DTNA: variants seen among roughly 807,000 people sequenced by gnomAD.
DTNA encodes the protein dystrobrevin alpha, also known as dystrophin-related protein 3.
A neutral mutation model predicts 100.7 loss-of-function variants in DTNA; 43 were observed. That is an observed-to-expected ratio of 0.43 (90% CI 0.33 to 0.55). The LOEUF is 0.55. DTNA is among the 20% of genes least tolerant of loss of function. The pLI, the probability that DTNA is intolerant of heterozygous loss-of-function variation, is 0.04. For synonymous variants in DTNA, 349 were observed against 347.9 expected, an observed-to-expected ratio of 1.00 and a Z score of -0.04; for missense variants, 798 against 953.9, an observed-to-expected ratio of 0.84 and a Z score of 2.15.
chr18:34,590,023 G>T (rs1487748113), intron 1 of DTNA, among the ~76,000 whole-genome samples: 3 of 152,118 alleles, frequency 2.0e-5, no homozygotes, highest in Admixed American at 6.5e-5. Context: ...CACTTTGGTT[G>T]TTCCCACATC....
At chr18:34,600,719 A>G (rs182232546) in intron 1 of DTNA, among the ~76,000 whole-genome samples, 9 of 152,346 alleles carry the variant, frequency 5.9e-5, no homozygotes, top group African/African-American at 2.2e-4. Context: ...GGTAAGAGAC[A>G]TTTATTTTAC....
chr18:34,749,897 T>G (rs1056977381), intron 1 of DTNA, among the ~76,000 whole-genome samples: 4 of 152,098 alleles, frequency 2.6e-5, no homozygotes, highest in Non-Finnish European at 5.9e-5. Context: ...AGGACTAGAA[T>G]GTAAATCTAA....
At chr18:34,838,917 C>G in intron 13 of DTNA, 80 bp downstream of exon 13, 3 of 1,253,218 alleles carry the variant, frequency 2.4e-6, no homozygotes, top group Non-Finnish European at 2.3e-6. Flanking sequence ...CAGCAAGGAG[C>G]AAGGTCACTG....
chr18:34,875,344 C>T lies in DTNA; in HGVS notation c.1849C>T (p.Pro617Ser), dbSNP rs75615735. 1 of 1,614,112 alleles carries T rather than the reference C, an allele frequency of 6.2e-7. No individual in the cohort carries two copies. Among genetic ancestry groups the T allele is most frequent in the Admixed American group, 1.7e-5 (1 of 60,014 alleles). Residue 617 changes from proline (P) to serine (S), a missense_variant, in exon 18 of 23, where the codon CCG (proline) becomes TCG (serine). Transcript: ENST00000444659. ...ASACSTPTHT[P>S]QDSLTGVGGD... ...AGCCTGCTCCACCCCGACGCACACGCCGCAGGACTCCCTCACAGGAGTAGG... is the reference window on the plus strand; with the variant it reads ...AGCCTGCTCCACCCCGACGCACACGTCGCAGGACTCCCTCACAGGAGTAGG...
chr18:34,881,833 C>T (rs1603351545), intron 20 of DTNA, among the ~76,000 whole-genome samples: 1 of 149,268 alleles, frequency 6.7e-6, no homozygotes, highest in Admixed American at 6.6e-5. Context: ...AGATAAATGA[C>T]CAATGATCGC....
At chr18:34,818,069 G>A (rs1272487006) in intron 7 of DTNA, 95 bp from the exon 8 acceptor site, 6 of 1,606,886 alleles carry the variant, frequency 3.7e-6, no homozygotes, top group Non-Finnish European at 4.2e-6. Context: ...TCGTGGTGCA[G>A]AGAAGAAAGG....
rs2096662763 is a variant in DTNA at position 34,864,002 on chromosome 18, T to C, written c.1683T>C (p.Ala561=). ...RKDELEQRMS[A]LQESRRELMV... ...ATGAGCTGGAACAGAGAATGTCTGC[T>C]CTCCAGGAGAGCCGGAGAGAGCTAA... is the stretch of plus-strand genomic sequence containing the variant. The change falls in exon 17 of 23, where the codon GCT becomes GCC. Residue 561 remains alanine, a synonymous_variant. Transcript: ENST00000444659. The C allele has an allele frequency of 2.2e-5, 35 of 1,612,468 alleles. No individual in the cohort carries two copies. The highest frequency in any genetic ancestry group is 3.0e-5 in the Non-Finnish European group (35 of 1,179,392).
intron 1 of DTNA, among the ~76,000 whole-genome samples, chr18:34,726,754 G>A (rs1169119946): frequency 6.6e-6 from 1 of 152,234 alleles, no homozygotes; most frequent in Non-Finnish European, 1.5e-5. Context: ...TTGAGTGCCT[G>A]TGGCTTTCCA....
rs543575846 is a variant in DTNA, at chr18:34,528,344, G to A, written c.-2+34830G>A. ...TCTAGAATTGTCACCTCAGCTGGTA[G>A]TGCCTCCTACAGACAATCATGGGTT... On this transcript the variant is annotated intron_variant, in intron 1 of 19. Coordinates refer to the DTNA transcript ENST00000283365. Among the ~76,000 whole-genome samples the A allele has an allele frequency of 1.1e-4, 16 of 152,184 alleles. No homozygotes were observed. In the East Asian group the frequency reaches 3.1e-3, roughly 29 times the overall value.
chr18:34,611,372 G>A (rs575859816), intron 1 of DTNA, among the ~76,000 whole-genome samples: 46 of 152,218 alleles, frequency 3.0e-4, no homozygotes, highest in Non-Finnish European at 6.0e-4. Context: ...CAGGTAGAGA[G>A]TGATTAAATC....
At chr18:34,858,466 T>C in intron 16 of DTNA, 68 bp downstream of exon 16, 2 of 1,535,948 alleles carry the variant, frequency 1.3e-6, no homozygotes, top group East Asian at 2.3e-5. Context: ...AGTCTAGCAG[T>C]GTCTAGCCAG....
intron 1 of DTNA, among the ~76,000 whole-genome samples, chr18:34,560,920 T>C (rs1743753877): frequency 6.6e-6 from 1 of 152,178 alleles, no homozygotes; most frequent in African/African-American, 2.4e-5. Context: ...AGACCCTGTC[T>C]CAAAAAATAA....
At chr18:34,876,595 A>T (rs1351915802) in intron 18 of DTNA, among the ~76,000 whole-genome samples, 1 of 152,208 alleles carries the variant, frequency 6.6e-6, no homozygotes, top group Non-Finnish European at 1.5e-5. Flanking sequence ...TGCCTAGAAG[A>T]TTAAAAAAAT....
chr18:34,783,681 A>G (rs948541709), intron 3 of DTNA, among the ~76,000 whole-genome samples: 2 of 152,076 alleles, frequency 1.3e-5, no homozygotes, highest in Non-Finnish European at 2.9e-5. Flanking sequence ...CTTTAGTAAC[A>G]TTTTCTTTCT....
chr18:34,548,283 C>G (rs2045021462), intron 1 of DTNA, among the ~76,000 whole-genome samples: 1 of 152,066 alleles, frequency 6.6e-6, no homozygotes, highest in South Asian at 2.1e-4. Context: ...TCCCTATACT[C>G]TGGTAATTCA....
intron 18 of DTNA, among the ~76,000 whole-genome samples, chr18:34,877,262 G>T (rs1214170282): frequency 6.6e-6 from 1 of 152,152 alleles, no homozygotes. Flanking sequence ...GTAGAGACCA[G>T]AATCTAAAGG....
chr18:34,757,339 A>T (rs1210312062), intron 2 of DTNA: 1 of 152,188 alleles, frequency 6.6e-6, no homozygotes, highest in Non-Finnish European at 1.5e-5. Context: ...GGTATCCTCC[A>T]ACAGCACATT....
intron 1 of DTNA, among the ~76,000 whole-genome samples, chr18:34,520,648 C>A (rs1336822535): frequency 1.3e-5 from 2 of 151,836 alleles, no homozygotes; most frequent in Non-Finnish European, 2.9e-5. Flanking sequence ...GAGCAAAAAC[C>A]CCGTCTCAAA....
intron 1 of DTNA, among the ~76,000 whole-genome samples, chr18:34,688,442 TTTTC>T (rs1184271970): frequency 1.3e-5 from 2 of 152,220 alleles, no homozygotes; most frequent in African/African-American, 4.8e-5. Flanking sequence ...TTGAAAATTC[TTTTC>T]TTTAAGAATG....
Sources: allele counts gnomAD v4.1 joint callset (sites outside exome capture counted in the v4.1 genomes callset), GRCh38; gene constraint gnomAD v4.1.1; transcripts MANE v1.5; gene names NCBI Gene and HGNC (gene_info 2026-07-23, HGNC 2026-07-21).